The following SASH1 variants were observed in gnomAD, a reference collection of about 807,000 sequenced individuals.
The protein encoded by SASH1 is SAM and SH3 domain-containing protein 1.
In SASH1, 44 loss-of-function variants were observed where a neutral mutation model predicts 125.2. The ratio of observed to expected loss-of-function variants is 0.35; its 90% CI spans 0.28 to 0.45. The LOEUF is 0.45. SASH1 is among the 20% of genes least tolerant of loss of function. The pLI, the probability that SASH1 is intolerant of heterozygous loss-of-function variation, is 1.00. For synonymous variants in SASH1, 639 were observed against 649.1 expected, an observed-to-expected ratio of 0.98 and a Z score of 0.24; for missense variants, 1,426 against 1,614.5, an observed-to-expected ratio of 0.88 and a Z score of 2.00.
rs79351429 is a variant in SASH1 at position 148,424,247 on chromosome 6, G to C, written c.286-15937G>C. On this transcript the variant is annotated intron_variant, in intron 2 of 19. Coordinates refer to ENST00000367467, the MANE Select transcript of SASH1 (RefSeq NM_015278.5). ...TGTTCTTCTTCTTTTTTTTTTTTGGGGGGGGGAGGTGGGACAGGGTCTCGC... is the reference window on the plus strand; with the variant it reads ...TGTTCTTCTTCTTTTTTTTTTTTGGCGGGGGGAGGTGGGACAGGGTCTCGC... Among the ~76,000 whole-genome samples the C allele has an allele frequency of 8.7e-3, 1,301 of 150,186 alleles. 6 individuals are homozygous for C. The highest frequency in any genetic ancestry group is 0.011 in the African/African-American group (461 of 40,958).
At chr6:148,458,824 G>A (rs947527460) in intron 4 of SASH1, among the ~76,000 whole-genome samples, 7 of 151,910 alleles carry the variant, frequency 4.6e-5, no homozygotes, top group Admixed American at 1.3e-4. Context: ...AAGATTAGTC[G>A]GGCATGATGG....
the SASH1 span, among the ~76,000 whole-genome samples, chr6:148,238,611 G>A: frequency 1.7e-5 from 2 of 119,694 alleles, no homozygotes; most frequent in African/African-American, 7.2e-5. Flanking sequence ...GTGTGTATGT[G>A]TCATACACAC....
the SASH1 span, among the ~76,000 whole-genome samples, chr6:148,252,501 CAG>C: frequency 4.1e-5 from 6 of 147,240 alleles, no homozygotes; most frequent in Non-Finnish European, 8.9e-5. Flanking sequence ...TTTTTTGAGA[CAG>C]AGTCTCGCTT....
upstream of SASH1, among the ~76,000 whole-genome samples, chr6:148,271,508 AT>A (rs1351421032): frequency 2.1e-4 from 32 of 152,234 alleles, no homozygotes; most frequent in African/African-American, 7.2e-4. Flanking sequence ...AACTTTTAAT[AT>A]TTTTTAAGAC....
At chr6:148,440,429 C>A (rs374524216) in intron 4 of SASH1, 22 bp downstream of exon 4, 51 of 1,609,958 alleles carry the variant, frequency 3.2e-5, no homozygotes, top group Non-Finnish European at 4.2e-5. Flanking sequence ...TCCCTCTGCC[C>A]AGGACCACCT....
chr6:148,509,075 G>A (rs1354341049), intron 8 of SASH1, among the ~76,000 whole-genome samples: 2 of 152,102 alleles, frequency 1.3e-5, no homozygotes, highest in Admixed American at 6.5e-5. Flanking sequence ...CAGTGAAAAT[G>A]CGTAACTTTT....
At chr6:148,301,571 TTTTTC>T (rs372693543) in intron 1 of SASH1, among the ~76,000 whole-genome samples, 5 of 149,012 alleles carry the variant, frequency 3.4e-5, no homozygotes, top group East Asian at 2.0e-4. Context: ...CAACCTGGGG[TTTTTC>T]TTTTCTTTTC....
At chr6:148,211,442 G>A in the SASH1 span, among the ~76,000 whole-genome samples, 5 of 150,212 alleles carry the variant, frequency 3.3e-5, no homozygotes, top group Admixed American at 2.6e-4. Flanking sequence ...GTGGTGGCAC[G>A]TGCCTGTAAT....
the SASH1 span, among the ~76,000 whole-genome samples, chr6:148,252,943 A>G: frequency 6.6e-6 from 1 of 152,202 alleles, no homozygotes; most frequent in Admixed American, 6.5e-5. Context: ...TAGGACCTAG[A>G]AAAAGTCCAT....
At chr6:148,233,875 C>T in the SASH1 span, among the ~76,000 whole-genome samples, 2 of 149,738 alleles carry the variant, frequency 1.3e-5, no homozygotes, top group Admixed American at 6.6e-5. Context: ...ATGGCACCAC[C>T]GCACTCCAGA....
chr6:148,455,553 A>G (rs1026741012), intron 4 of SASH1, among the ~76,000 whole-genome samples: 1 of 152,192 alleles, frequency 6.6e-6, no homozygotes, highest in African/African-American at 2.4e-5. Flanking sequence ...GAATGGGAGG[A>G]CAGGGTCCAC....
At chr6:148,382,412 C>G (rs1480142052) in intron 1 of SASH1, among the ~76,000 whole-genome samples, 1 of 152,166 alleles carries the variant, frequency 6.6e-6, no homozygotes, top group Non-Finnish European at 1.5e-5. Context: ...GCCTCAGCCT[C>G]CTGAGTAGCT....
rs1338297699 is a variant in SASH1 at position 148,401,152 on chromosome 6, GT to G, written c.285+10892del. Among the ~76,000 whole-genome samples the G allele has an allele frequency of 2.0e-5, 3 of 151,796 alleles. No individual in the cohort carries two copies. In the East Asian group the frequency reaches 5.8e-4, roughly 30 times the overall value. Reference sequence around the variant, plus strand: ...GCCTGTAGTCACAGCTACTTCGGAGGTTAAGGTGGGAGGATGGCTTGAGCTT... The same window carrying G: ...GCCTGTAGTCACAGCTACTTCGGAGGTAAGGTGGGAGGATGGCTTGAGCTT... On this transcript the variant is annotated intron_variant, in intron 2 of 19. Transcript: ENST00000367467.
chr6:148,368,770 G>GCGCGCACACACACACA (rs1554245330), intron 1 of SASH1, among the ~76,000 whole-genome samples: 9 of 135,644 alleles, frequency 6.6e-5, no homozygotes, highest in South Asian at 2.6e-4. Flanking sequence ...GCACGCGCGC[G>GCGCGCACACACACACA]CACACACACA....
chr6:148,543,661 A>G lies in SASH1; in HGVS notation c.2210-19A>G, dbSNP rs749562791. 1.3e-6 allele frequency: 2 copies of G among 1,515,912 alleles called. No homozygotes were observed. Among genetic ancestry groups the G allele is most frequent in the Middle Eastern group, 1.8e-4 (1 of 5,610 alleles). 93.9% of individuals were successfully genotyped at this position (1,515,912 alleles called of 1,614,324 possible). A position where few individuals can be genotyped will look rare whatever the true frequency, so the allele number is the denominator to read the frequency against. On this transcript the variant is annotated intron_variant, in intron 17 of 19. Coordinates refer to ENST00000367467, the MANE Select transcript of SASH1 (RefSeq NM_015278.5). ...TTTGCTTTTAAAATGTGATTGTAAA[A>G]TATTCCCTTGTCTCACAGGCAAGAC...
At chr6:148,204,607 G>A in the SASH1 span, among the ~76,000 whole-genome samples, 40 of 152,188 alleles carry the variant, frequency 2.6e-4, no homozygotes, top group African/African-American at 9.2e-4. Flanking sequence ...TAGGAGAATC[G>A]CTTGAACCCA....
At chr6:148,547,824 C>G (rs958243394) in intron 19 of SASH1, among the ~76,000 whole-genome samples, 1 of 152,122 alleles carries the variant, frequency 6.6e-6, no homozygotes, top group Non-Finnish European at 1.5e-5. Flanking sequence ...ATTTTAAATT[C>G]TTCATAACTT....
At chr6:148,446,076 C>T (rs891699599) in intron 4 of SASH1, among the ~76,000 whole-genome samples, 79 of 128,116 alleles carry the variant, frequency 6.2e-4, no homozygotes, top group African/African-American at 2.1e-3. Flanking sequence ...CTATCCTGAA[C>T]AACATAGGGT....
chr6:148,548,321 C>T lies in SASH1; in HGVS notation c.3507C>T (p.Ile1169=), dbSNP rs1159971974. The change falls in exon 20 of 20, where the codon ATC becomes ATT. Residue 1169 remains isoleucine, a synonymous_variant. Transcript: ENST00000367467. The stretch of plus-strand genomic sequence containing the variant: ...TTCCAAGTGGTGGACTCACGGAAAT[C>T]TGCCGAAAGCCCGTCTCTCCTGGGT... The part of the protein sequence containing the change: ...MAIPSGGLTE[I]CRKPVSPGCI... 3 of 1,613,040 alleles carry T rather than the reference C, an allele frequency of 1.9e-6. No individual in the cohort carries two copies. The Admixed American group carries it at 5.0e-5, about 27-fold the overall frequency.
Sources: gnomAD v4.1 joint callset for allele counts (sites outside exome capture counted in the v4.1 genomes callset) on GRCh38, gnomAD v4.1.1 for gene constraint, MANE v1.5 for transcripts, NCBI Gene and HGNC (gene_info 2026-07-23, HGNC 2026-07-21) for gene names.